ARB2A: variants seen among roughly 807,000 people sequenced by gnomAD.
ARB2A encodes the protein ARB2 cotranscriptional regulator A.
At chr5:94,068,173 C>A in the ARB2A span, among the ~76,000 whole-genome samples, 2 of 152,210 alleles carry the variant, frequency 1.3e-5, no homozygotes, top group African/African-American at 4.8e-5. Flanking sequence ...AGGAATGGAA[C>A]CTTGGGCCAT....
At chr5:93,721,547 T>C in the ARB2A span, among the ~76,000 whole-genome samples, 2 of 152,210 alleles carry the variant, frequency 1.3e-5, no homozygotes, top group African/African-American at 4.8e-5. Flanking sequence ...TTAGAACATG[T>C]GAATCAATCA....
At chr5:94,039,054 G>A in the ARB2A span, among the ~76,000 whole-genome samples, 2 of 152,074 alleles carry the variant, frequency 1.3e-5, no homozygotes, top group African/African-American at 2.4e-5. Context: ...CTCAGTTAAT[G>A]AAACTAACAT....
the ARB2A span, among the ~76,000 whole-genome samples, chr5:93,986,406 G>A: frequency 1.3e-5 from 2 of 151,020 alleles, no homozygotes; most frequent in Admixed American, 6.6e-5. Context: ...TGGGAGGTGG[G>A]GGGCGCCTCT....
chr5:93,649,730 A>T, the ARB2A span, among the ~76,000 whole-genome samples: 9 of 152,206 alleles, frequency 5.9e-5, no homozygotes, highest in African/African-American at 2.2e-4. Flanking sequence ...GATGGTTTAG[A>T]CTTGGTATCT....
At chr5:93,637,409 GTACA>G in the ARB2A span, among the ~76,000 whole-genome samples, 8 of 106,764 alleles carry the variant, frequency 7.5e-5, no homozygotes, top group Non-Finnish European at 1.3e-4. Flanking sequence ...AAACATTCAT[GTACA>G]GGTTTTTGTG....
chr5:93,934,257 T>C, the ARB2A span, among the ~76,000 whole-genome samples: 18 of 152,296 alleles, frequency 1.2e-4, no homozygotes, highest in Admixed American at 1.0e-3. Flanking sequence ...AAATCACCTA[T>C]AAATTCTTCT....
chr5:93,948,360 G>GT, the ARB2A span, among the ~76,000 whole-genome samples: 1 of 152,076 alleles, frequency 6.6e-6, no homozygotes, highest in African/African-American at 2.4e-5. Context: ...TGATGGGGTT[G>GT]TTTTTTTCTT....
the ARB2A span, among the ~76,000 whole-genome samples, chr5:93,882,392 A>G: frequency 1.3e-5 from 2 of 151,448 alleles, no homozygotes; most frequent in Middle Eastern, 3.4e-3. Context: ...TTTTCAACCT[A>G]CCATAAAAAT....
the ARB2A span, among the ~76,000 whole-genome samples, chr5:93,759,983 T>C: frequency 9.2e-5 from 14 of 152,070 alleles, no homozygotes; most frequent in African/African-American, 3.4e-4. Flanking sequence ...ATACGAGTGT[T>C]TACCTTGAAA....
chr5:93,928,473 G>T, the ARB2A span, among the ~76,000 whole-genome samples: 1 of 152,042 alleles, frequency 6.6e-6, no homozygotes, highest in Non-Finnish European at 1.5e-5. Context: ...ATACTGTTTT[G>T]TGTAAAGCAC....
At chr5:93,808,346 A>G in the ARB2A span, among the ~76,000 whole-genome samples, 1 of 151,764 alleles carries the variant, frequency 6.6e-6, no homozygotes, top group Non-Finnish European at 1.5e-5. Flanking sequence ...AATTTTGCTG[A>G]CATTTCAGAA....
chr5:93,795,939 GTA>G, the ARB2A span, among the ~76,000 whole-genome samples: 4 of 151,796 alleles, frequency 2.6e-5, no homozygotes, highest in Non-Finnish European at 4.4e-5. Flanking sequence ...CAAATGAAAT[GTA>G]TATGTCAGAT....
chr5:94,110,570 C>T, the ARB2A span, among the ~76,000 whole-genome samples: 1 of 152,284 alleles, frequency 6.6e-6, no homozygotes, highest in Non-Finnish European at 1.5e-5. Flanking sequence ...GAGGCCTTAA[C>T]GAAGCAGATC....
At chr5:93,804,814 C>T in the ARB2A span, 1 of 590,006 alleles carries the variant, frequency 1.7e-6, no homozygotes, top group Non-Finnish European at 2.1e-6. Flanking sequence ...CTTTAGTAAT[C>T]TTTTTATGTT....
At chr5:94,032,124 T>A in the ARB2A span, among the ~76,000 whole-genome samples, 1 of 152,124 alleles carries the variant, frequency 6.6e-6, no homozygotes, top group African/African-American at 2.4e-5. Flanking sequence ...GAGTGACAGG[T>A]ACAAAGCTGC....
At chr5:93,742,031 A>G in the ARB2A span, among the ~76,000 whole-genome samples, 1 of 152,044 alleles carries the variant, frequency 6.6e-6, no homozygotes, top group South Asian at 2.1e-4. Context: ...TACTATCTTT[A>G]TGGTCACAAG....
the ARB2A span, among the ~76,000 whole-genome samples, chr5:93,809,999 G>A: frequency 6.6e-6 from 1 of 152,142 alleles, no homozygotes; most frequent in Admixed American, 6.5e-5. Context: ...TATTTTTTGA[G>A]ATCAATTGTA....
chr5:93,638,879 C>A, the ARB2A span, among the ~76,000 whole-genome samples: 5 of 152,032 alleles, frequency 3.3e-5, no homozygotes, highest in South Asian at 2.1e-4. Context: ...TATCCAGCAA[C>A]CTTGCTAAAT....
the ARB2A span, among the ~76,000 whole-genome samples, chr5:93,981,847 T>C: frequency 2.0e-5 from 3 of 152,052 alleles, no homozygotes; most frequent in African/African-American, 7.2e-5. Flanking sequence ...GCAATGAAGT[T>C]CATCACTAGA....
Sources: gnomAD v4.1 joint callset for allele counts (sites outside exome capture counted in the v4.1 genomes callset) on GRCh38, gnomAD v4.1.1 for gene constraint, MANE v1.5 for transcripts, NCBI Gene and HGNC (gene_info 2026-07-23, HGNC 2026-07-21) for gene names.